C10orf105: variants seen among roughly 807,000 people sequenced by gnomAD.
C10orf105 encodes the protein chromosome 10 open reading frame 105, also known as uncharacterized protein C10orf105.
Under a neutral mutation model 0.6 loss-of-function variants are expected in C10orf105, and 2 were observed. The ratio of observed to expected loss-of-function variants is 3.18; its 90% CI spans 1.30 to 10.01. The LOEUF (loss-of-function observed/expected upper bound fraction) is 10.01, where lower values mean the gene tolerates loss of function less well. Among genes scored for constraint, C10orf105 ranks in the 30% most tolerant of loss-of-function variants. The pLI is 0.04. For missense variants in C10orf105, 209 were observed against 191.4 expected (o/e 1.09, Z -0.54); for synonymous variants, 95 against 82.4 (o/e 1.15, Z -0.83).
In C10orf105 at chr10:71,713,422, C is replaced by T. The variant is rs1270808556; in HGVS notation, c.*2514G>A. 15 of 615,782 alleles carry T rather than the reference C, an allele frequency of 2.4e-5. No individual in the cohort carries two copies. Among genetic ancestry groups the T allele is most frequent in the East Asian group, 5.4e-5 (2 of 36,794 alleles). 38.1% of individuals were successfully genotyped at this position (615,782 alleles called of 1,614,324 possible). A position where few individuals can be genotyped will look rare whatever the true frequency, so the allele number is the denominator to read the frequency against. On this transcript the variant is annotated 3_prime_UTR_variant, in exon 2 of 2. Transcript: ENST00000441508. ...GTCTCTTTACCAACTATGGGGTTTCCGACTCGGAGGCTGAGCCAAACAGGG... is the reference window on the plus strand; with the variant it reads ...GTCTCTTTACCAACTATGGGGTTTCTGACTCGGAGGCTGAGCCAAACAGGG...
rs1438134577 is a variant in C10orf105 at position 71,734,325 on chromosome 10, A to G, written c.-6+3403T>C. On this transcript the variant is annotated intron_variant, in intron 1 of 1. Coordinates refer to the C10orf105 transcript ENST00000398786. ...GTGGTGGCAGATGACGGCGGCCCCAAGGTGGACTCCACCGTGGTGAGTGGG... is the reference window on the plus strand; with the variant it reads ...GTGGTGGCAGATGACGGCGGCCCCAGGGTGGACTCCACCGTGGTGAGTGGG... 1.2e-5 allele frequency: 20 copies of G among 1,610,112 alleles called. No individual in the cohort carries two copies. The highest frequency in any genetic ancestry group is 1.6e-5 in the Non-Finnish European group (19 of 1,178,212).
intron 1 of C10orf105, among the ~76,000 whole-genome samples, chr10:71,724,957 A>G (rs574050521): frequency 6.6e-6 from 1 of 152,342 alleles, no homozygotes; most frequent in East Asian, 1.9e-4. Flanking sequence ...TAAATCCTGG[A>G]TTCAACCACC....
At chr10:71,720,065 G>A (rs1307171817), upstream of C10orf105, among the ~76,000 whole-genome samples, 1 of 152,218 alleles carries the variant, frequency 6.6e-6, no homozygotes, top group Non-Finnish European at 1.5e-5. Flanking sequence ...AAGTTTGAAT[G>A]GTATGGTCGG....
rs375517846 is a variant in C10orf105, at chr10:71,715,971, T to C, written c.367A>G (p.Ser123Gly). 244 of 1,487,810 alleles carry C rather than the reference T, an allele frequency of 1.6e-4. No homozygotes were observed. In the African/African-American group the frequency reaches 3.2e-3, roughly 19 times the overall value. The allele number at this position is 1,487,810 out of a possible 1,614,324, so 92.2% of individuals were successfully genotyped here. Residue 123 changes from serine (S) to glycine (G), a missense_variant, in exon 2 of 2, where the codon AGC (serine) becomes GGC (glycine). By Grantham distance (56) the Ser-to-Gly change is moderately conservative (BLOSUM62 0). Coordinates refer to ENST00000441508, the MANE Select transcript of C10orf105 (RefSeq NM_001164375.3). ...GTAGATTCCATGTAGTCACAGTGGC[T>C]GCGGTTGTCCTCGGGGCCCGGCAGG... is the stretch of plus-strand genomic sequence containing the variant. Reference protein sequence around the residue: ...QPLPGPEDNRSHCDYMESTKM With the variant: ...QPLPGPEDNRGHCDYMESTKM
In C10orf105 at chr10:71,731,867, G is replaced by T. The variant is rs897697048; in HGVS notation, c.-6+5861C>A. On this transcript the variant is annotated intron_variant, in intron 1 of 1. Coordinates refer to the C10orf105 transcript ENST00000398786. ...CTCTGAGGATGATCCTGCCGGCAGA[G>T]GTGGGGCAGCCCATGCTGGGTGGGC... is the stretch of plus-strand genomic sequence containing the variant. 7.8e-5 allele frequency: 78 copies of T among 994,034 alleles called. 4 individuals are homozygous for T. The highest frequency in any genetic ancestry group is 4.7e-4 in the Admixed American group (18 of 38,334). The allele number at this position is 994,034 out of a possible 1,614,324, so 61.6% of individuals were successfully genotyped here. A position where few individuals can be genotyped will look rare whatever the true frequency, so the allele number is the denominator to read the frequency against.
chr10:71,725,542 G>GGT, intron 1 of C10orf105: 1 of 1,607,786 alleles, frequency 6.2e-7, no homozygotes, highest in Non-Finnish European at 8.5e-7. Context: ...GGCGGGCTGG[G>GGT]GTGCTGACCT....
chr10:71,724,204 AC>A, upstream of C10orf105: 3 of 1,307,110 alleles, frequency 2.3e-6, no homozygotes, highest in Non-Finnish European at 3.2e-6. Context: ...GGCCAAGAGA[AC>A]CCCCAGGGCC....
At chr10:71,730,316 C>T (rs1839328289) in intron 1 of C10orf105, among the ~76,000 whole-genome samples, 1 of 152,226 alleles carries the variant, frequency 6.6e-6, no homozygotes, top group South Asian at 2.1e-4. Flanking sequence ...GTGGTGGTCA[C>T]AGTGACCCAC....
At chr10:71,737,267 T>A (rs964239284) in intron 1 of C10orf105, among the ~76,000 whole-genome samples, 18 of 152,188 alleles carry the variant, frequency 1.2e-4, no homozygotes, top group Non-Finnish European at 2.1e-4. Flanking sequence ...GAAGAGTAGG[T>A]GCCACCCCTT....
chr10:71,736,737 G>T (rs973024711), intron 1 of C10orf105, among the ~76,000 whole-genome samples: 2 of 152,212 alleles, frequency 1.3e-5, no homozygotes, highest in East Asian at 1.9e-4. Context: ...CAGGCACTAG[G>T]CTGGGTTCAG....
upstream of C10orf105, among the ~76,000 whole-genome samples, chr10:71,723,470 G>A (rs1341794579): frequency 2.0e-5 from 3 of 152,160 alleles, no homozygotes; most frequent in East Asian, 1.9e-4. Flanking sequence ...TCGCAGCCAC[G>A]CCAGCCAGGC....
Position 71,735,788 on chromosome 10 carries a change from G to A in C10orf105, c.-6+1940C>T, listed in dbSNP as rs568883379. Among the ~76,000 whole-genome samples, 4 of 152,216 alleles carry A rather than the reference G, an allele frequency of 2.6e-5. No individual in the cohort carries two copies. In the East Asian group the frequency reaches 7.7e-4, roughly 29 times the overall value. ...CCATACCTAAAGGCCCCCTCCATCC[G>A]TGGGGCCAGCCTGGGGGTGAGTGAG... On this transcript the variant is annotated intron_variant, in intron 1 of 1. Transcript: ENST00000398786.
At chr10:71,722,206 C>G (rs1866589952), upstream of C10orf105, among the ~76,000 whole-genome samples, 1 of 152,130 alleles carries the variant, frequency 6.6e-6, no homozygotes, top group Non-Finnish European at 1.5e-5. Context: ...TTTGGGAAGC[C>G]AAGGCGGGAG....
At chr10:71,722,369 G>A (rs1338553234), upstream of C10orf105, among the ~76,000 whole-genome samples, 2 of 152,232 alleles carry the variant, frequency 1.3e-5, no homozygotes, top group Non-Finnish European at 2.9e-5. Context: ...CAAACAGGGA[G>A]CGAGGCACAG....
upstream of C10orf105, among the ~76,000 whole-genome samples, chr10:71,721,943 C>A (rs1484869866): frequency 6.6e-6 from 1 of 152,234 alleles, no homozygotes; most frequent in Non-Finnish European, 1.5e-5. Flanking sequence ...TCTTCCCAAC[C>A]TTCTCTGCTA....
At chr10:71,736,830 A>G (rs148206887) in intron 1 of C10orf105, among the ~76,000 whole-genome samples, 1 of 152,314 alleles carries the variant, frequency 6.6e-6, no homozygotes, top group Admixed American at 6.5e-5. Flanking sequence ...TGATCAAATG[A>G]TCACAGCAGT....
At position 71,734,461 on chromosome 10, in the gene C10orf105, T is replaced by G. The variant is rs1016732195; in HGVS notation, c.-6+3267A>C. On this transcript the variant is annotated intron_variant, in intron 1 of 1. Transcript: ENST00000398786. ...GCCAGGCAGCGGGCGAGGGTCTTGA[T>G]AGCCTGAGGCTTCGCCATGTCCAGC... 12 of 1,495,612 alleles carry G rather than the reference T, an allele frequency of 8.0e-6. No homozygotes were observed. In the African/African-American group the frequency reaches 1.7e-4, roughly 21 times the overall value. 92.6% of individuals were successfully genotyped at this position (1,495,612 alleles called of 1,614,324 possible). A position where few individuals can be genotyped will look rare whatever the true frequency, so the allele number is the denominator to read the frequency against.
Position 71,716,097 on chromosome 10 carries a change from T to C in C10orf105, c.241A>G (p.Ser81Gly). ...AGCCGGAGCTGGGGCTCACTGGGGC[T>C]CCCAGGGTGGTGGGGCATGCACTCG... ...AHECMPHHPG[S>G]PSEPQLRLWK... Residue 81 changes from serine (S) to glycine (G), a missense_variant, in exon 2 of 2, where the codon AGC becomes GGC. Physicochemically the swap from Ser to Gly is moderately conservative, Grantham distance 56. Coordinates refer to ENST00000441508, the MANE Select transcript of C10orf105 (RefSeq NM_001164375.3). 6.5e-7 allele frequency: 1 copy of C among 1,536,718 alleles called. No individual in the cohort carries two copies. Among genetic ancestry groups the C allele is most frequent in the Non-Finnish European group, 8.8e-7 (1 of 1,138,436 alleles).
chr10:71,718,906 G>T (rs1186704140), intron 1 of C10orf105, among the ~76,000 whole-genome samples: 1 of 139,068 alleles, frequency 7.2e-6, no homozygotes, highest in Non-Finnish European at 1.6e-5. Context: ...ATTTCTGAAA[G>T]AAAAAAAAAA....
Sources: gnomAD v4.1 joint callset for allele counts (sites outside exome capture counted in the v4.1 genomes callset) on GRCh38, gnomAD v4.1.1 for gene constraint, MANE v1.5 for transcripts, NCBI Gene and HGNC (gene_info 2026-07-23, HGNC 2026-07-21) for gene names.